The following ISYNA1 variants were observed in gnomAD, a reference collection of about 807,000 sequenced individuals.
The protein encoded by ISYNA1 is inositol-3-phosphate synthase 1, also known as MI-1-P synthase.
In ISYNA1, 34 loss-of-function variants were observed where a neutral mutation model predicts 50.3. That is an observed-to-expected ratio of 0.68 (90% CI 0.51 to 0.90). The LOEUF (loss-of-function observed/expected upper bound fraction) is 0.90, where lower values mean the gene tolerates loss of function less well. Ranked by LOEUF, ISYNA1 falls within the 40% of genes least tolerant of loss-of-function variation. The pLI, the probability that ISYNA1 is intolerant of heterozygous loss-of-function variation, is 0.00. For missense variants in ISYNA1, 718 were observed against 784.8 expected (o/e 0.91, Z 1.02); for synonymous variants, 396 against 349.9 (o/e 1.13, Z -1.47).
Position 18,437,704 on chromosome 19 carries a change from G to A in ISYNA1, c.177C>T (p.Leu59=), listed in dbSNP as rs573792574. 201 of 1,556,456 alleles carry A rather than the reference G, an allele frequency of 1.3e-4. 2 individuals are homozygous for A. In the South Asian group the frequency reaches 2.2e-3, roughly 17 times the overall value. The change falls in exon 3 of 11, where the codon CTC becomes CTT. Residue 59 remains leucine (L), a synonymous_variant. Transcript: ENST00000338128. ...CGCCCCAGCCGACAAGCATGACCCC[G>A]AGCCGGGGCACCTGCCGGGCGGTCC... ...TFRTARQVPR[L]GVMLVGWGGN...
Position 18,435,935 on chromosome 19 carries a change from G to A in ISYNA1, c.976-14C>T, listed in dbSNP as rs953303293. 8.7e-6 allele frequency: 14 copies of A among 1,613,654 alleles called. No individual in the cohort carries two copies. Among genetic ancestry groups the A allele is most frequent in the Non-Finnish European group, 1.2e-5 (14 of 1,179,822 alleles). On this transcript the variant is annotated splice_polypyrimidine_tract_variant and intron_variant, in intron 7 of 10. Transcript: ENST00000338128. ...GATGGACATGGTCTGTGGGTACAAGGGAAGCCCCAGCAGCTGCAGGCCCTG... is the reference window on the plus strand; with the variant it reads ...GATGGACATGGTCTGTGGGTACAAGAGAAGCCCCAGCAGCTGCAGGCCCTG...
chr19:18,435,753 G>A lies in ISYNA1; in HGVS notation c.1140+4C>T. On this transcript the variant is annotated splice_donor_region_variant and intron_variant, in intron 8 of 10. Transcript: ENST00000338128. ...CCCCGCGCCCGCGCCCGCGCCCCACGCACGCAGTGGTCAGGCTCTTCGCCG... is the reference window on the plus strand; with the variant it reads ...CCCCGCGCCCGCGCCCGCGCCCCACACACGCAGTGGTCAGGCTCTTCGCCG... 2 of 1,612,008 alleles carry A rather than the reference G, an allele frequency of 1.2e-6. No individual in the cohort carries two copies. The highest frequency in any genetic ancestry group is 1.7e-6 in the Non-Finnish European group (2 of 1,179,414).
In ISYNA1 at chr19:18,437,973, C is replaced by T; in HGVS notation, c.7G>A (p.Ala3Thr). The T allele has an allele frequency of 6.3e-7, 1 of 1,578,414 alleles. No homozygotes were observed. The highest frequency in any genetic ancestry group is 8.6e-7 in the Non-Finnish European group (1 of 1,164,114). The change falls in exon 2 of 11, where the codon GCC becomes ACC. Residue 3 changes from alanine (A) to threonine (T), a missense_variant. Coordinates refer to ENST00000338128, the MANE Select transcript of ISYNA1 (RefSeq NM_016368.5). Reference protein sequence around the residue: MEAAAQFFVESPD... With the variant: METAAQFFVESPD... ...CTCTCGACGAAGAACTGGGCGGCGG[C>T]CTCCATCGCGGCGGGCTGGGGGCCC...
chr19:18,434,496 C>T lies in ISYNA1; in HGVS notation c.*417G>A, dbSNP rs928793069. 10 of 740,902 alleles carry T rather than the reference C, an allele frequency of 1.3e-5. No individual in the cohort carries two copies. The highest frequency in any genetic ancestry group is 1.1e-4 in the African/African-American group (6 of 55,180). 45.9% of individuals were successfully genotyped at this position (740,902 alleles called of 1,614,324 possible). On this transcript the variant is annotated 3_prime_UTR_variant, in exon 11 of 11. Transcript: ENST00000338128. ...CCAGAGAGAAAGGCTCTTTGGGGGG[C>T]CCCTCTCCCCAGGACGTCAGGGGGT...
At position 18,435,871 on chromosome 19, in the gene ISYNA1, G is replaced by A. The variant is rs142377949; in HGVS notation, c.1026C>T (p.Asn342=). ...YNHLGNNDGE[N]LSAPLQFRSK... ...AGCGGAACTGCAATGGCGCCGATAG[G>A]TTCTCCCCATCGTTGTTGCCCAGGT... Residue 342 remains asparagine, a synonymous_variant, in exon 8 of 11, where the codon AAC becomes AAT. Coordinates refer to ENST00000338128, the MANE Select transcript of ISYNA1 (RefSeq NM_016368.5). 6 of 1,613,922 alleles carry A rather than the reference G, an allele frequency of 3.7e-6. No homozygotes were observed. In the African/African-American group the frequency reaches 5.3e-5, roughly 14 times the overall value.
rs764904770 is a variant in ISYNA1, at chr19:18,434,923, G to A, written c.1667C>T (p.Pro556Leu). ...TGTGTGACCGGGGCCTCAGGTGGTG[G>A]GCATTGGGGGCTCCTCTTGCAGATG... is the stretch of plus-strand genomic sequence containing the variant. ...NGHLQEEPPM[P>L]TT Residue 556 changes from proline to leucine, a missense_variant, in exon 11 of 11, where the codon CCC becomes CTC. Physicochemically the swap from Pro to Leu is moderately conservative, Grantham distance 98. This residue lies in a region of ISYNA1 where 305 missense variants were observed against 292.6 expected (regional missense o/e 1.04). Coordinates refer to ENST00000338128, the MANE Select transcript of ISYNA1 (RefSeq NM_016368.5). 58 of 1,612,536 alleles carry A rather than the reference G, an allele frequency of 3.6e-5. No individual in the cohort carries two copies. In the South Asian group the frequency reaches 5.9e-4, roughly 16 times the overall value.
chr19:18,435,191 C>A, intron 10 of ISYNA1, 74 bp from the exon 11 acceptor site: 1 of 1,593,378 alleles, frequency 6.3e-7, no homozygotes, highest in Non-Finnish European at 8.6e-7. Context: ...CCACCTACAG[C>A]CCCCCAAGCC....
rs1349196608 is a variant in ISYNA1, at chr19:18,437,159, G to T, written c.283-54C>A. On this transcript the variant is annotated intron_variant, in intron 3 of 10. Coordinates refer to ENST00000338128, the MANE Select transcript of ISYNA1 (RefSeq NM_016368.5). ...CGGGTGGGAGTGGTGAAAGGGCCGCGACCCGGCCTGGGCCCCACCTAGACT... is the reference window on the plus strand; with the variant it reads ...CGGGTGGGAGTGGTGAAAGGGCCGCTACCCGGCCTGGGCCCCACCTAGACT... The T allele has an allele frequency of 3.3e-6, 5 of 1,519,454 alleles. No individual in the cohort carries two copies. In the African/African-American group the frequency reaches 5.5e-5, roughly 17 times the overall value. 94.1% of individuals were successfully genotyped at this position (1,519,454 alleles called of 1,614,324 possible). A position where few individuals can be genotyped will look rare whatever the true frequency, so the allele number is the denominator to read the frequency against.
intron 5 of ISYNA1, 21 bp from the exon 6 acceptor site, chr19:18,436,500 G>T (rs199853171): frequency 9.4e-6 from 15 of 1,602,150 alleles, no homozygotes; most frequent in Non-Finnish European, 1.2e-5. Context: ...GATGGTGAGG[G>T]TGTGGGGAGG....
At chr19:18,437,495 C>CAAA in intron 3 of ISYNA1, 104 bp downstream of exon 3, 2 of 383,920 alleles carry the variant, frequency 5.2e-6, no homozygotes, top group Non-Finnish European at 8.7e-6. Context: ...CCACCCCCTA[C>CAAA]AGCCCCCCTG....
Position 18,434,506 on chromosome 19 carries a change from C to T in ISYNA1, c.*407G>A. ...AGGCTCTTTGGGGGGCCCCTCTCCC[C>T]AGGACGTCAGGGGGTGGGGCCCATA... is the stretch of plus-strand genomic sequence containing the variant. On this transcript the variant is annotated 3_prime_UTR_variant, in exon 11 of 11. Transcript: ENST00000338128. The T allele has an allele frequency of 1.1e-5, 7 of 643,768 alleles. No homozygotes were observed. The highest frequency in any genetic ancestry group is 3.1e-5 in the East Asian group (1 of 32,588). The allele number at this position is 643,768 out of a possible 1,614,324, so 39.9% of individuals were successfully genotyped here.
chr19:18,435,771 C>T lies in ISYNA1; in HGVS notation c.1126G>A (p.Glu376Lys). The change falls in exon 8 of 11, where the codon GAG (glutamate) becomes AAG (lysine). Residue 376 changes from glutamate to lysine, a missense_variant. Glu to Lys is a moderately conservative substitution (Grantham distance 56). This residue lies in a region of ISYNA1 where 305 missense variants were observed against 292.6 expected (regional missense o/e 1.04). Transcript: ENST00000338128. ...SNPVLYTPGE[E>K]PDHCVVIKYV... ...GCCCCACGCACGCAGTGGTCAGGCT[C>T]TTCGCCGGGCGTATAGAGCACTGGG... is the stretch of plus-strand genomic sequence containing the variant. 1.2e-6 allele frequency: 2 copies of T among 1,613,328 alleles called. No homozygotes were observed. Among genetic ancestry groups the T allele is most frequent in the African/African-American group, 1.3e-5 (1 of 75,052 alleles).
Position 18,435,500 on chromosome 19 carries a change from T to G in ISYNA1, c.1255-17A>C. ...CAGCGAGTCCTGCGGGGCGGGTGGGTCAGGAGATGGGGGCGGTGGCCAAGC... is the reference window on the plus strand; with the variant it reads ...CAGCGAGTCCTGCGGGGCGGGTGGGGCAGGAGATGGGGGCGGTGGCCAAGC... On this transcript the variant is annotated splice_polypyrimidine_tract_variant and intron_variant, in intron 9 of 10. Transcript: ENST00000338128. The G allele has an allele frequency of 6.2e-7, 1 of 1,607,652 alleles. No homozygotes were observed. The highest frequency in any genetic ancestry group is 8.5e-7 in the Non-Finnish European group (1 of 1,178,962).
In ISYNA1 at chr19:18,435,172, G is replaced by A. The variant is rs1600387849; in HGVS notation, c.1473-55C>T. The stretch of plus-strand genomic sequence containing the variant: ...AGACACCCACAGGGAGAAAGGGGGG[G>A]TATCCCTGCCACCTACAGCCCCCCA... On this transcript the variant is annotated intron_variant, in intron 10 of 10. Transcript: ENST00000338128. 9 of 1,599,826 alleles carry A rather than the reference G, an allele frequency of 5.6e-6. No individual in the cohort carries two copies. The East Asian group carries it at 1.8e-4, about 32-fold the overall frequency.
Position 18,435,415 on chromosome 19 carries a change from G to A in ISYNA1, c.1323C>T (p.Ser441=), listed in dbSNP as rs558889381. The part of the protein sequence containing the change: ...ALLTELCQRV[S]FCTDMDPEPQ... ...GCTCGGGGTCCATGTCAGTGCAGAA[G>A]CTCACGCGCTGGCACAGCTCGGTCA... The change falls in exon 10 of 11, where the codon AGC becomes AGT. Residue 441 remains serine (S), a synonymous_variant. Transcript: ENST00000338128. 1.2e-6 allele frequency: 2 copies of A among 1,610,986 alleles called. No homozygotes were observed. Among genetic ancestry groups the A allele is most frequent in the East Asian group, 4.5e-5 (2 of 44,876 alleles).
intron 1 of ISYNA1, 38 bp from the exon 2 acceptor site, chr19:18,438,026 C>G (rs1974139147): frequency 2.6e-6 from 4 of 1,520,240 alleles, no homozygotes; most frequent in Non-Finnish European, 3.5e-6. Flanking sequence ...AGCGGGGACT[C>G]TAAGCGGCCG....
At chr19:18,437,355 GC>G in intron 3 of ISYNA1, 11 of 1,370,230 alleles carry the variant, frequency 8.0e-6, no homozygotes, top group Admixed American at 6.2e-5. Flanking sequence ...GGGTCCGCCT[GC>G]AGCCAGGCCC....
Position 18,435,484 on chromosome 19 carries a change from C to G in ISYNA1, c.1255-1G>C. The G allele has an allele frequency of 6.2e-7, 1 of 1,608,612 alleles. No homozygotes were observed. On this transcript the variant is annotated splice_acceptor_variant, in intron 9 of 10. Transcript: ENST00000338128. LOFTEE classifies it high-confidence loss of function. Reference sequence around the variant, plus strand: ...TGATGGGTGCGGCCAGCAGCGAGTCCTGCGGGGCGGGTGGGTCAGGAGATG... The same window carrying G: ...TGATGGGTGCGGCCAGCAGCGAGTCGTGCGGGGCGGGTGGGTCAGGAGATG...
chr19:18,437,454 T>A, intron 3 of ISYNA1, 145 bp downstream of exon 3: 1 of 833,808 alleles, frequency 1.2e-6, no homozygotes, highest in Non-Finnish European at 1.5e-6. Context: ...GGCAGGTCCC[T>A]CGCCCCTGCA....
Sources: gnomAD v4.1 joint callset for allele counts on GRCh38, gnomAD v4.1.1 for gene constraint, gnomAD v4.1.1 regional missense constraint, MANE v1.5 for transcripts, NCBI Gene and HGNC (gene_info 2026-07-23, HGNC 2026-07-21) for gene names.